Variants in PPL observed in about 807,000 individuals in gnomAD.
PPL encodes periplakin, also known as 190 kDa paraneoplastic pemphigus antigen.
PPL carries 198 observed loss-of-function variants against 194.4 expected under a neutral mutation model. That is an observed-to-expected ratio of 1.02 (90% CI 0.91 to 1.15). The LOEUF is 1.15. Ranked by LOEUF, PPL falls within the 50% of genes most tolerant of loss-of-function variation. PPL has a pLI of 0.00. For synonymous variants in PPL, 1,220 were observed against 972.4 expected, an observed-to-expected ratio of 1.25 and a Z score of -4.74; for missense variants, 2,885 against 2,294.8, an observed-to-expected ratio of 1.26 and a Z score of -5.25.
chr16:4,890,689 T>C, intron 17 of PPL, 39 bp downstream of exon 17: 1 of 1,562,784 alleles, frequency 6.4e-7, no homozygotes, highest in Non-Finnish European at 8.7e-7. Context: ...GATCGCATTC[T>C]CAGAAAACAA....
Position 4,902,411 on chromosome 16 carries a change from T to G in PPL, c.433A>C (p.Lys145Gln), listed in dbSNP as rs199628747. ...CGGCCCCGTCCAGGCCATACCAGCT[T>G]CTCCTCCACCAGTGCCGCCCAGTTG... ...QVNWAALVEE[K>Q]LDKLNNQSFG... The change falls in exon 4 of 22, where the codon AAG becomes CAG. Residue 145 changes from lysine to glutamine, a missense_variant. Coordinates refer to ENST00000345988, the MANE Select transcript of PPL (RefSeq NM_002705.5). The surrounding 1 kb of genome is among the most constrained non-coding windows in gnomAD (Gnocchi z 4.0). The G allele has an allele frequency of 1.9e-6, 3 of 1,613,722 alleles. No homozygotes were observed. In the East Asian group the frequency reaches 6.7e-5, roughly 36 times the overall value.
At chr16:4,936,878 T>G (rs1482540945) in intron 1 of PPL, 106 bp downstream of exon 1, 7 of 1,177,206 alleles carry the variant, frequency 5.9e-6, no homozygotes, top group Admixed American at 2.8e-5. Context: ...TCCCGGTTCC[T>G]GGACCCCCGT....
intron 1 of PPL, 91 bp from the exon 2 acceptor site, chr16:4,911,040 C>A: frequency 9.5e-7 from 1 of 1,052,820 alleles, no homozygotes; most frequent in Non-Finnish European, 1.4e-6. Flanking sequence ...CTGGCCCCGG[C>A]CCCACGCTCT....
intron 1 of PPL, among the ~76,000 whole-genome samples, chr16:4,921,063 G>A (rs139197648): frequency 4.0e-4 from 61 of 152,312 alleles, no homozygotes; most frequent in Non-Finnish European, 8.2e-4. Context: ...GCCTCTACGA[G>A]TCACCTCGAG....
chr16:4,886,120 C>G (rs1330939195), intron 21 of PPL, 73 bp from the exon 22 acceptor site: 1 of 1,589,922 alleles, frequency 6.3e-7, no homozygotes, highest in Non-Finnish European at 8.5e-7. Flanking sequence ...CCCACCTGGT[C>G]AGAGTGGCTG....
intron 18 of PPL, 123 bp from the exon 19 acceptor site, chr16:4,889,184 A>C: frequency 1.4e-6 from 1 of 695,768 alleles, no homozygotes. Context: ...AGTATGATGA[A>C]TGGCTCCCTT....
At chr16:4,916,167 C>T (rs1311621163) in intron 1 of PPL, among the ~76,000 whole-genome samples, 1 of 152,182 alleles carries the variant, frequency 6.6e-6, no homozygotes, top group Non-Finnish European at 1.5e-5. Flanking sequence ...TAAGCAGTCA[C>T]CATAAGACCC....
At chr16:4,930,687 C>T (rs1246362469) in intron 1 of PPL, among the ~76,000 whole-genome samples, 4 of 152,100 alleles carry the variant, frequency 2.6e-5, no homozygotes, top group Non-Finnish European at 5.9e-5. Context: ...TCTACCCCAG[C>T]AGAGAGGTTG....
In PPL at chr16:4,898,291, T is replaced by C. The variant is rs187138084; in HGVS notation, c.877-521A>G. 3.2e-3 allele frequency among the ~76,000 whole-genome samples: 481 copies of C among 152,220 alleles called. 5 individuals carry two copies. The highest frequency in any genetic ancestry group is 0.01 in the African/African-American group (417 of 41,530). On this transcript the variant is annotated intron_variant, in intron 8 of 21. Transcript: ENST00000345988. ...TACTTGGGAGGCTGAGGCAGGAGAA[T>C]TGCTTGAACCCGGGAGGTGGAGGTT... is the stretch of plus-strand genomic sequence containing the variant.
intron 1 of PPL, among the ~76,000 whole-genome samples, chr16:4,924,773 C>T (rs1234628282): frequency 6.6e-6 from 1 of 152,198 alleles, no homozygotes; most frequent in East Asian, 1.9e-4. Context: ...TGTCCATAGG[C>T]CATGGGGCTG....
chr16:4,910,982 G>A (rs2088809113), intron 1 of PPL, 33 bp from the exon 2 acceptor site: 3 of 1,576,974 alleles, frequency 1.9e-6, no homozygotes, highest in East Asian at 4.5e-5. Flanking sequence ...GATGGGCGGG[G>A]TGCCTGGTGG....
chr16:4,899,108 G>C lies in PPL; in HGVS notation c.781C>G (p.Arg261Gly), dbSNP rs762608047. ...RRRQYENFIN[R>G]NLEAKEERIN... ...CTCTCCTCTTTGGCCTCCAGGTTCCGGTTGATGAAATTCTGCAGTGGGGGG... is the reference window on the plus strand; with the variant it reads ...CTCTCCTCTTTGGCCTCCAGGTTCCCGTTGATGAAATTCTGCAGTGGGGGG... Residue 261 changes from arginine to glycine, a missense_variant, in exon 8 of 22, where the codon CGG becomes GGG. Physicochemically the swap from Arg to Gly is moderately radical, Grantham distance 125 (BLOSUM62 -2). Coordinates refer to ENST00000345988, the MANE Select transcript of PPL (RefSeq NM_002705.5). The C allele has an allele frequency of 4.3e-6, 7 of 1,613,892 alleles. No homozygotes were observed. The South Asian group carries it at 6.6e-5, about 15-fold the overall frequency.
In PPL at chr16:4,897,607, G is replaced by T. The variant is rs1862175870; in HGVS notation, c.972+68C>A. ...GAGCACGAGGCCACACATGAGCCAGGTAGGCACTGAGCGCTCTCAGAGAGT... is the reference window on the plus strand; with the variant it reads ...GAGCACGAGGCCACACATGAGCCAGTTAGGCACTGAGCGCTCTCAGAGAGT... On this transcript the variant is annotated intron_variant, in intron 9 of 21. Transcript: ENST00000345988. 4 of 1,271,328 alleles carry T rather than the reference G, an allele frequency of 3.1e-6. No individual in the cohort carries two copies. In the African/African-American group the frequency reaches 5.9e-5, roughly 19 times the overall value. The allele number at this position is 1,271,328 out of a possible 1,614,324, so 78.8% of individuals were successfully genotyped here. A position where few individuals can be genotyped will look rare whatever the true frequency, so the allele number is the denominator to read the frequency against.
At position 4,885,096 on chromosome 16, in the gene PPL, C is replaced by T; in HGVS notation, c.3559G>A (p.Glu1187Lys). ...AGCTCCAGGCGGAGGTTCGCCACTT[C>T]ACTTTCCGCCTTGGGGTCTGGCCGC... ...IVRPDPKAES[E>K]VANLRLELVE... Residue 1187 changes from glutamate to lysine, a missense_variant, in exon 22 of 22, where the codon GAA (glutamate) becomes AAA (lysine). Physicochemically the swap from Glu to Lys is moderately conservative, Grantham distance 56 (BLOSUM62 1). Transcript: ENST00000345988. The surrounding 1 kb of genome is among the most constrained non-coding windows in gnomAD (Gnocchi z 6.3). 1 of 1,613,872 alleles carries T rather than the reference C, an allele frequency of 6.2e-7. No individual in the cohort carries two copies. Among genetic ancestry groups the T allele is most frequent in the Non-Finnish European group, 8.5e-7 (1 of 1,180,028 alleles).
intron 21 of PPL, 64 bp downstream of exon 21, chr16:4,887,071 C>A: frequency 1.5e-6 from 2 of 1,313,262 alleles, no homozygotes; most frequent in East Asian, 2.3e-5. Context: ...TTCTCTAAGA[C>A]AGAGTCTGTA....
intron 12 of PPL, 150 bp from the exon 13 acceptor site, chr16:4,893,788 CCTTT>C: frequency 1.6e-6 from 1 of 622,706 alleles, no homozygotes; most frequent in Non-Finnish European, 2.8e-6. Flanking sequence ...GTGGCACTGG[CCTTT>C]CTGTGCTCCT....
intron 1 of PPL, among the ~76,000 whole-genome samples, chr16:4,920,345 G>GAA (rs1555523880): frequency 0.021 from 517 of 24,846 alleles, 7 homozygotes; most frequent in African/African-American, 0.025. Context: ...GAGAGAGAGA[G>GAA]AGAAAGAAAG....
intron 3 of PPL, among the ~76,000 whole-genome samples, chr16:4,903,017 C>T (rs2142369068): frequency 1.3e-5 from 2 of 152,298 alleles, no homozygotes; most frequent in Middle Eastern, 6.8e-3. Context: ...CCTTCCTTCC[C>T]CCATCAGTTT....
At chr16:4,893,456 G>A (rs1010415782) in intron 13 of PPL, 85 bp downstream of exon 13, 45 of 1,586,962 alleles carry the variant, frequency 2.8e-5, no homozygotes, top group Middle Eastern at 1.7e-4. Context: ...CCAGCCCCCC[G>A]CCGTCTCATC....
Sources: gnomAD v4.1 joint callset for allele counts (sites outside exome capture counted in the v4.1 genomes callset) on GRCh38, gnomAD v4.1.1 for gene constraint, Gnocchi (gnomAD v3.1) non-coding constraint, MANE v1.5 for transcripts, NCBI Gene and HGNC (gene_info 2026-07-23, HGNC 2026-07-21) for gene names.